The following NEB variants were observed in gnomAD, a reference collection of about 807,000 sequenced individuals.
The protein encoded by NEB is nemaline myopathy type 2.
NEB carries 512 observed loss-of-function variants against 952.2 expected under a neutral mutation model. The observed-to-expected ratio is 0.54, with a 90% confidence interval of 0.50 to 0.58. The LOEUF is 0.58. Among genes scored for constraint, NEB ranks in the 20% least tolerant of loss-of-function variants. The pLI, the probability that NEB is intolerant of heterozygous loss-of-function variation, is 0.00. For synonymous variants in NEB, 2,900 were observed against 3,149.8 expected, an observed-to-expected ratio of 0.92 and a Z score of 2.66; for missense variants, 8,428 against 9,231.1, an observed-to-expected ratio of 0.91 and a Z score of 3.56.
intron 161 of NEB, among the ~76,000 whole-genome samples, chr2:151,512,019 C>CTTTTTTTT (rs71403173): frequency 3.2e-5 from 3 of 93,568 alleles, no homozygotes; most frequent in Admixed American, 1.4e-4. Context: ...CCCTCTCACT[C>CTTTTTTTT]TTTTTTTTTT....
chr2:151,565,489 A>C lies in NEB; in HGVS notation c.18366+12T>G, dbSNP rs1287375484. 2 of 1,539,620 alleles carry C rather than the reference A, an allele frequency of 1.3e-6. No individual in the cohort carries two copies. The highest frequency in any genetic ancestry group is 1.8e-6 in the Non-Finnish European group (2 of 1,118,918). On this transcript the variant is annotated intron_variant, in intron 116 of 181. Transcript: ENST00000397345. ...CAGTCTGTGCACTTCAGCATGCACA[A>C]AGCAAACTTACATCACTTTGATTGA...
chr2:151,509,563 A>G (rs574720296), intron 161 of NEB, among the ~76,000 whole-genome samples: 1 of 152,114 alleles, frequency 6.6e-6, no homozygotes, highest in South Asian at 2.1e-4. Flanking sequence ...TTGGACTGCT[A>G]TTTCTCGTGG....
chr2:151,531,737 A>G (rs2091178412), intron 144 of NEB, 55 bp downstream of exon 144: 3 of 1,323,692 alleles, frequency 2.3e-6, no homozygotes, highest in Non-Finnish European at 3.2e-6. Flanking sequence ...ATGCCCCTCC[A>G]TGTTTGCAGA....
At position 151,490,397 on chromosome 2, in the gene NEB, G is replaced by C. The variant is rs772073084; in HGVS notation, c.25272C>G (p.Asp8424Glu). 2 of 1,591,630 alleles carry C rather than the reference G, an allele frequency of 1.3e-6. No homozygotes were observed. The highest frequency in any genetic ancestry group is 1.7e-6 in the Non-Finnish European group (2 of 1,168,202). The change falls in exon 180 of 182, where the codon GAC (aspartate) becomes GAG (glutamate). Residue 8424 changes from aspartate (D) to glutamate (E), a missense_variant. By Grantham distance (45) the Asp-to-Glu change is conservative. Coordinates refer to ENST00000397345, the MANE Select transcript of NEB (RefSeq NM_001164508.2). ...APDHHLSTYS[D>E]GGVFAVSTAY... The stretch of plus-strand genomic sequence containing the variant: ...CTGTTGAGACTGCAAAGACACCCCC[G>C]TCGCTGTAAGTCGAAAGGTGGTGGT...
intron 143 of NEB, among the ~76,000 whole-genome samples, chr2:151,533,063 A>G (rs959589649): frequency 1.3e-5 from 2 of 152,236 alleles, no homozygotes; most frequent in East Asian, 3.8e-4. Flanking sequence ...CAAGAGACAC[A>G]TTAGATGAAA....
intron 63 of NEB, 21 bp downstream of exon 63, chr2:151,639,259 T>C: frequency 6.7e-7 from 1 of 1,500,840 alleles, no homozygotes. Flanking sequence ...AGTGTGCAAA[T>C]GTCAAAGAAT....
At chr2:151,545,511 G>T (rs1246943912) in intron 135 of NEB, among the ~76,000 whole-genome samples, 2 of 151,942 alleles carry the variant, frequency 1.3e-5, no homozygotes, top group African/African-American at 4.8e-5. Flanking sequence ...GGAGACAGAG[G>T]TTGCAGTGAG....
chr2:151,703,917 T>C (rs2099688318), intron 13 of NEB, among the ~76,000 whole-genome samples: 1 of 133,968 alleles, frequency 7.5e-6, no homozygotes, highest in African/African-American at 2.8e-5. Flanking sequence ...CTGCGTTCCT[T>C]TGGAGGAGGA....
chr2:151,575,856 C>A (rs1231124868), intron 106 of NEB, 57 bp from the exon 107 acceptor site: 30 of 1,160,528 alleles, frequency 2.6e-5, no homozygotes, highest in Non-Finnish European at 3.7e-5. Flanking sequence ...TTGCTAGTCC[C>A]ACTATGCAAC....
intron 145 of NEB, among the ~76,000 whole-genome samples, chr2:151,529,961 C>A (rs918925483): frequency 4.6e-5 from 7 of 152,094 alleles, no homozygotes; most frequent in Non-Finnish European, 8.8e-5. Context: ...GGAAGAGAAG[C>A]CTTTCCCTAC....
At chr2:151,700,242 T>G (rs2099636547) in intron 13 of NEB, among the ~76,000 whole-genome samples, 15 of 61,920 alleles carry the variant, frequency 2.4e-4, no homozygotes, top group Middle Eastern at 4.5e-3. Flanking sequence ...TTGGTACCAG[T>G]ACCATGCTGT....
At position 151,633,680 on chromosome 2, in the gene NEB, G is replaced by C. The variant is rs779778326; in HGVS notation, c.9388C>G (p.Arg3130Gly). 6.2e-7 allele frequency: 1 copy of C among 1,613,340 alleles called. No homozygotes were observed. Among genetic ancestry groups the C allele is most frequent in the South Asian group, 1.1e-5 (1 of 91,062 alleles). ...LPDQSDVIHARQAYDLQSDNI... is the reference protein window; with the variant it reads ...LPDQSDVIHAGQAYDLQSDNI... ...TCACTCTGGAGGTCATAGGCCTGCCGAGCATGGATGACATCGCTCTGGTCA... is the reference window on the plus strand; with the variant it reads ...TCACTCTGGAGGTCATAGGCCTGCCCAGCATGGATGACATCGCTCTGGTCA... Residue 3130 changes from arginine to glycine, a missense_variant, in exon 65 of 182, where the codon CGG becomes GGG. Coordinates refer to ENST00000397345, the MANE Select transcript of NEB (RefSeq NM_001164508.2).
rs764260123 is a variant in NEB, at chr2:151,650,183, C to T, written c.7424G>A (p.Arg2475Lys). The T allele has an allele frequency of 6.2e-7, 1 of 1,613,690 alleles. No homozygotes were observed. Among genetic ancestry groups the T allele is most frequent in the Non-Finnish European group, 8.5e-7 (1 of 1,179,692 alleles). The change falls in exon 54 of 182, where the codon AGG (arginine) becomes AAG (lysine). Residue 2475 changes from arginine (R) to lysine (K), a missense_variant. By Grantham distance (26) the Arg-to-Lys change is conservative (BLOSUM62 2). Coordinates refer to ENST00000397345, the MANE Select transcript of NEB (RefSeq NM_001164508.2). Reference sequence around the variant, plus strand: ...TTCCAGAGTGCTACTCACATCACTCCTATTTTTGGCATTTGTCTTTGCCAG... The same window carrying T: ...TTCCAGAGTGCTACTCACATCACTCTTATTTTTGGCATTTGTCTTTGCCAG... ...IVLAKTNAKN[R>K]SDRLYREAWD...
rs773239926 is a variant in NEB, at chr2:151,569,341, C to T, written c.17462G>A (p.Arg5821His). The change falls in exon 110 of 182, where the codon CGT becomes CAT. Residue 5821 changes from arginine to histidine, a missense_variant. By Grantham distance (29) the Arg-to-His change is conservative (BLOSUM62 0). Around this residue, in one of 11 missense-constraint regions of NEB, gnomAD observed 3,374 missense variants for 3,651.5 expected, o/e 0.92. Transcript: ENST00000397345. Reference sequence around the variant, plus strand: ...GTCATTTGGCATCCACCCAATTCCACGCAACCATTCCAAGTCAGCCTTGTA... The same window carrying T: ...GTCATTTGGCATCCACCCAATTCCATGCAACCATTCCAAGTCAGCCTTGTA... Reference protein sequence around the residue: ...NVYKADLEWLRGIGWMPNDSV... With the variant: ...NVYKADLEWLHGIGWMPNDSV... 5.9e-5 allele frequency: 96 copies of T among 1,613,822 alleles called. No individual in the cohort carries two copies. The highest frequency in any genetic ancestry group is 2.5e-4 in the East Asian group (11 of 44,886).
At chr2:151,497,294 C>CT (rs34295833) in intron 171 of NEB, 1 of 964,190 alleles carries the variant, frequency 1.0e-6, no homozygotes, top group African/African-American at 1.8e-5. Flanking sequence ...TTTTTTTTTC[C>CT]TTTTTTGTGA....
rs761359730 is a variant in NEB at position 151,524,592 on chromosome 2, C to T, written c.22297G>A (p.Glu7433Lys). The T allele has an allele frequency of 6.6e-7, 1 of 1,515,784 alleles. No individual in the cohort carries two copies. The highest frequency in any genetic ancestry group is 8.9e-7 in the Non-Finnish European group (1 of 1,125,108). 93.9% of individuals were successfully genotyped at this position (1,515,784 alleles called of 1,614,324 possible). ...GCCACTGTGGTGTAATGCAGGTTCT[C>T]TTTGGCATCTTTTCTGTAAGCGACC... ...SDVAYRKDAKENLHYTTVADR... is the reference protein window; with the variant it reads ...SDVAYRKDAKKNLHYTTVADR... Residue 7433 changes from glutamate to lysine, a missense_variant, in exon 152 of 182, where the codon GAG becomes AAG. Coordinates refer to ENST00000397345, the MANE Select transcript of NEB (RefSeq NM_001164508.2).
intron 34 of NEB, among the ~76,000 whole-genome samples, chr2:151,676,472 G>A (rs1575936119): frequency 6.6e-6 from 1 of 152,052 alleles, no homozygotes; most frequent in African/African-American, 2.4e-5. Context: ...CTGATAATGC[G>A]GCTCCATCGA....
At chr2:151,548,276 A>G (rs769755058) in intron 131 of NEB, 32 bp downstream of exon 131, 24 of 1,522,774 alleles carry the variant, frequency 1.6e-5, no homozygotes, top group African/African-American at 5.5e-5. Context: ...TTGAAACTCA[A>G]TATGTCTCTT....
chr2:151,704,982 TCTCTTAGCTCA>T (rs1346436160), intron 13 of NEB, among the ~76,000 whole-genome samples: 1 of 152,176 alleles, frequency 6.6e-6, no homozygotes, highest in Non-Finnish European at 1.5e-5. Flanking sequence ...GCCCTCTCTG[TCTCTTAGCTCA>T]CATACTCTTT....
Sources: allele counts gnomAD v4.1 joint callset (sites outside exome capture counted in the v4.1 genomes callset), GRCh38; gene constraint gnomAD v4.1.1; regional missense constraint gnomAD v4.1.1; transcripts MANE v1.5; gene names NCBI Gene and HGNC (gene_info 2026-07-23, HGNC 2026-07-21).